The following SUPT3H variants were observed in gnomAD, a reference collection of about 807,000 sequenced individuals.
SUPT3H encodes transcription initiation protein SPT3 homolog.
A neutral mutation model predicts 44.3 loss-of-function variants in SUPT3H; 44 were observed. The observed-to-expected ratio is 0.99, with a 90% CI of 0.78 to 1.28. The LOEUF (loss-of-function observed/expected upper bound fraction) is 1.28, where lower values mean the gene tolerates loss of function less well. Among genes scored for constraint, SUPT3H ranks in the 50% most tolerant of loss-of-function variants. The pLI is 0.00. For synonymous variants in SUPT3H, 124 were observed against 125.6 expected, an observed-to-expected ratio of 0.99 and a Z score of 0.09; for missense variants, 380 against 387.1, an observed-to-expected ratio of 0.98 and a Z score of 0.15.
intron 2 of SUPT3H, among the ~76,000 whole-genome samples, chr6:45,125,020 T>A (rs904370748): frequency 3.3e-5 from 5 of 152,134 alleles, no homozygotes; most frequent in African/African-American, 1.2e-4. Context: ...CACCAAGGAT[T>A]GCTGGCAAAC....
intron 2 of SUPT3H, among the ~76,000 whole-genome samples, chr6:45,303,648 G>A (rs1220856354): frequency 7.3e-6 from 1 of 136,076 alleles, no homozygotes; most frequent in African/African-American, 2.8e-5. Flanking sequence ...TTAATAGAAT[G>A]AGATGTTGCC....
chr6:45,040,589 A>G (rs1212220081), intron 3 of SUPT3H, among the ~76,000 whole-genome samples: 1 of 152,196 alleles, frequency 6.6e-6, no homozygotes, highest in Non-Finnish European at 1.5e-5. Context: ...GGCTTTTCAA[A>G]AACAAAAACA....
chr6:45,231,733 T>C (rs1276724656), intron 2 of SUPT3H, among the ~76,000 whole-genome samples: 1 of 152,226 alleles, frequency 6.6e-6, no homozygotes, highest in African/African-American at 2.4e-5. Context: ...TAATAACTCA[T>C]ACATTTGATC....
In SUPT3H at chr6:45,251,766, A is replaced by G. The variant is rs370077409; in HGVS notation, c.101+113435T>C. Among the ~76,000 whole-genome samples, 5 of 152,292 alleles carry G rather than the reference A, an allele frequency of 3.3e-5. No homozygotes were observed. The East Asian group carries it at 7.7e-4, about 24-fold the overall frequency. ...CAAAGGCCAGTGCTAGTTTCATTTT[A>G]CCATAAACGAAAACCAGAGTAATTG... is the stretch of plus-strand genomic sequence containing the variant. On this transcript the variant is annotated intron_variant, in intron 2 of 10. Coordinates refer to ENST00000371459, the MANE Select transcript of SUPT3H (RefSeq NM_003599.4).
chr6:45,361,417 A>G (rs1794239951), intron 2 of SUPT3H, among the ~76,000 whole-genome samples: 1 of 152,230 alleles, frequency 6.6e-6, no homozygotes, highest in Non-Finnish European at 1.5e-5. Flanking sequence ...GAAAAAGTAC[A>G]TGACAAGGCA....
intron 2 of SUPT3H, among the ~76,000 whole-genome samples, chr6:45,121,618 T>C (rs1277685862): frequency 6.6e-6 from 1 of 152,092 alleles, no homozygotes; most frequent in Non-Finnish European, 1.5e-5. Context: ...CAGTATTCAA[T>C]TCTTCACTAA....
chr6:45,327,559 A>G (rs1412059532), intron 2 of SUPT3H, among the ~76,000 whole-genome samples: 3 of 151,978 alleles, frequency 2.0e-5, no homozygotes, highest in Non-Finnish European at 2.9e-5. Context: ...AGATAATGGT[A>G]TACATGAAAC....
intron 2 of SUPT3H, among the ~76,000 whole-genome samples, chr6:45,229,945 G>T (rs539716900): frequency 9.2e-5 from 14 of 152,022 alleles, no homozygotes; most frequent in African/African-American, 3.4e-4. Context: ...CTATACATTT[G>T]TACCCATAAC....
At chr6:45,199,919 C>A (rs1268550753) in intron 2 of SUPT3H, among the ~76,000 whole-genome samples, 1 of 151,262 alleles carries the variant, frequency 6.6e-6, no homozygotes, top group Non-Finnish European at 1.5e-5. Context: ...GCTTAACTGA[C>A]AAGAATTTTT....
chr6:45,011,679 T>A (rs1026819598), intron 5 of SUPT3H, among the ~76,000 whole-genome samples: 7 of 152,094 alleles, frequency 4.6e-5, no homozygotes, highest in Non-Finnish European at 1.0e-4. Context: ...AATTATACTA[T>A]CTCTTATATT....
chr6:44,884,683 G>A (rs1261702085), intron 10 of SUPT3H, among the ~76,000 whole-genome samples: 1 of 152,274 alleles, frequency 6.6e-6, no homozygotes, highest in East Asian at 1.9e-4. Flanking sequence ...CCCAGCATGA[G>A]CAATGCAGAA....
At chr6:44,961,995 G>C (rs1018144275) in intron 6 of SUPT3H, among the ~76,000 whole-genome samples, 167 bp from the exon 7 acceptor site, 1 of 152,076 alleles carries the variant, frequency 6.6e-6, no homozygotes, top group African/African-American at 2.4e-5. Context: ...ACTAACACTA[G>C]TTGTGAAGCT....
chr6:45,065,380 C>T (rs1166320692), intron 3 of SUPT3H, among the ~76,000 whole-genome samples: 1 of 132,614 alleles, frequency 7.5e-6, no homozygotes, highest in Admixed American at 7.5e-5. Context: ...AATTGACACC[C>T]TAACATCACA....
intron 6 of SUPT3H, 77 bp downstream of exon 6, chr6:45,003,576 A>G (rs559809156): frequency 1.3e-6 from 2 of 1,491,338 alleles, no homozygotes; most frequent in East Asian, 4.6e-5. Flanking sequence ...CATTTAAAGA[A>G]CATGAGAATA....
At chr6:44,986,302 T>C (rs1474904648) in intron 6 of SUPT3H, among the ~76,000 whole-genome samples, 1 of 152,178 alleles carries the variant, frequency 6.6e-6, no homozygotes, top group Non-Finnish European at 1.5e-5. Flanking sequence ...ATCTCTGTGC[T>C]TCAGTGTCCC....
chr6:45,074,252 A>G (rs1259862903), intron 3 of SUPT3H, among the ~76,000 whole-genome samples: 1 of 152,064 alleles, frequency 6.6e-6, no homozygotes, highest in Non-Finnish European at 1.5e-5. Context: ...AACTATAACC[A>G]TAAAGATAAT....
rs1216513946 is a variant in SUPT3H at position 44,829,763 on chromosome 6, C to T, written c.*53G>A. On this transcript the variant is annotated 3_prime_UTR_variant, in exon 11 of 11. Transcript: ENST00000371459. ...ATTTTATTTTGTTCACAAGAAATCA[C>T]CTTAATATAACATTGCCTTTCCTGT... 1.0e-5 allele frequency: 16 copies of T among 1,589,606 alleles called. No homozygotes were observed. The highest frequency in any genetic ancestry group is 1.3e-5 in the Non-Finnish European group (15 of 1,161,510).
At chr6:45,036,967 T>C (rs1227691402) in intron 3 of SUPT3H, among the ~76,000 whole-genome samples, 2 of 152,042 alleles carry the variant, frequency 1.3e-5, no homozygotes, top group Non-Finnish European at 2.9e-5. Flanking sequence ...GACAGAAGAA[T>C]CTAGGAGAGG....
At chr6:45,144,565 T>A (rs988337646) in intron 2 of SUPT3H, among the ~76,000 whole-genome samples, 2 of 151,760 alleles carry the variant, frequency 1.3e-5, no homozygotes, top group Non-Finnish European at 2.9e-5. Context: ...ACAGGGAAAA[T>A]TGGAAAGAAT....
Sources: allele counts gnomAD v4.1 joint callset (sites outside exome capture counted in the v4.1 genomes callset), GRCh38; gene constraint gnomAD v4.1.1; transcripts MANE v1.5; gene names NCBI Gene and HGNC (gene_info 2026-07-23, HGNC 2026-07-21).